ITGB8: variants seen among roughly 807,000 people sequenced by gnomAD.
ITGB8 encodes the protein integrin beta-8.
Under a neutral mutation model 89.5 loss-of-function variants are expected in ITGB8, and 30 were observed. That is an observed-to-expected ratio of 0.34 (90% confidence interval 0.25 to 0.45). The LOEUF is 0.45. Ranked by LOEUF, ITGB8 falls within the 20% of genes least tolerant of loss-of-function variation. The pLI, the probability that ITGB8 is intolerant of heterozygous loss-of-function variation, is 1.00. For missense variants in ITGB8, 836 were observed against 933.3 expected, an observed-to-expected ratio of 0.90 and a Z score of 1.36; for synonymous variants, 335 against 320.4, an observed-to-expected ratio of 1.05 and a Z score of -0.49.
chr7:20,371,854 C>T (rs148300963), intron 3 of ITGB8, among the ~76,000 whole-genome samples: 128 of 152,288 alleles, frequency 8.4e-4, no homozygotes, highest in African/African-American at 3.0e-3. Flanking sequence ...TAGATTGTTA[C>T]ATTATTCACA....
chr7:20,355,242 A>G (rs1478018527), intron 1 of ITGB8, among the ~76,000 whole-genome samples: 1 of 152,130 alleles, frequency 6.6e-6, no homozygotes, highest in Non-Finnish European at 1.5e-5. Context: ...CAGGTGGGAC[A>G]ACTTTGTGTT....
chr7:20,330,004 C>T (rs974462328), upstream of ITGB8, among the ~76,000 whole-genome samples: 3 of 152,158 alleles, frequency 2.0e-5, no homozygotes, highest in East Asian at 5.8e-4. Context: ...CTCCTTAGCT[C>T]CCCTCTCCCC....
intron 9 of ITGB8, 72 bp downstream of exon 9, chr7:20,399,066 A>T: frequency 1.9e-5 from 29 of 1,496,424 alleles, no homozygotes; most frequent in Non-Finnish European, 2.6e-5. Flanking sequence ...AGAAAAAGCA[A>T]ACCATTCTGA....
chr7:20,414,379 C>G lies in ITGB8; in HGVS notation c.*4382C>G, dbSNP rs1012302515. On this transcript the variant is annotated 3_prime_UTR_variant, in exon 14 of 14. Transcript: ENST00000222573. Reference sequence around the variant, plus strand: ...CGTGAGTGCGAATGATTTCAGCAAACCCTAACTTAACTAACAAGAATGGGT... The same window carrying G: ...CGTGAGTGCGAATGATTTCAGCAAAGCCTAACTTAACTAACAAGAATGGGT... The G allele has an allele frequency of 2.6e-5, 4 of 152,288 alleles. No homozygotes were observed. The highest frequency in any genetic ancestry group is 9.7e-5 in the African/African-American group (4 of 41,442). 9.4% of individuals were successfully genotyped at this position (152,288 alleles called of 1,614,324 possible).
At chr7:20,391,547 T>A (rs1418369480) in intron 7 of ITGB8, 49 bp downstream of exon 7, 1 of 946,622 alleles carries the variant, frequency 1.1e-6, no homozygotes, top group East Asian at 2.6e-5. Flanking sequence ...CATTGGTAAT[T>A]GAAATTAAGA....
At chr7:20,354,138 T>C (rs553176370) in intron 1 of ITGB8, among the ~76,000 whole-genome samples, 1 of 152,290 alleles carries the variant, frequency 6.6e-6, no homozygotes, top group Admixed American at 6.5e-5. Context: ...TAACCTCTAC[T>C]TGGAATATTA....
chr7:20,382,750 A>T (rs1399833814), intron 6 of ITGB8, among the ~76,000 whole-genome samples: 2 of 152,194 alleles, frequency 1.3e-5, no homozygotes, highest in Non-Finnish European at 2.9e-5. Context: ...CTCCTTAAAA[A>T]TAATACAAAT....
rs1274044156 is a variant in ITGB8, at chr7:20,410,504, T to C, written c.*507T>C. 2 of 153,534 alleles carry C rather than the reference T, an allele frequency of 1.3e-5. No individual in the cohort carries two copies. Among genetic ancestry groups the C allele is most frequent in the African/African-American group, 2.4e-5 (1 of 41,466 alleles). 9.5% of individuals were successfully genotyped at this position (153,534 alleles called of 1,614,324 possible). On this transcript the variant is annotated 3_prime_UTR_variant, in exon 14 of 14. Transcript: ENST00000222573. ...AACAGCTAGATGAATAAATGATTCG[T>C]GTTTCACTCTTTCAAGAGGTGAACA... is the stretch of plus-strand genomic sequence containing the variant.
At chr7:20,356,779 A>G (rs1266699888) in intron 1 of ITGB8, among the ~76,000 whole-genome samples, 2 of 152,206 alleles carry the variant, frequency 1.3e-5, no homozygotes, top group Non-Finnish European at 2.9e-5. Context: ...ACTTTACTAC[A>G]GAAAAAAACT....
chr7:20,339,506 A>G (rs1392425572), intron 1 of ITGB8, among the ~76,000 whole-genome samples: 1 of 152,198 alleles, frequency 6.6e-6, no homozygotes, highest in Non-Finnish European at 1.5e-5. Flanking sequence ...ACCTTTTAAC[A>G]AAAGTGCTAA....
At chr7:20,381,452 G>A (rs1177706136) in intron 5 of ITGB8, 3 of 239,166 alleles carry the variant, frequency 1.3e-5, no homozygotes, top group East Asian at 1.8e-4. Flanking sequence ...ATGAGCCACC[G>A]TGCCTGGCCT....
At chr7:20,402,437 T>C (rs138814253) in intron 10 of ITGB8, among the ~76,000 whole-genome samples, 142 of 152,298 alleles carry the variant, frequency 9.3e-4, no homozygotes, top group African/African-American at 3.2e-3. Flanking sequence ...ATCTGACACA[T>C]TTTCCAGAAG....
At chr7:20,351,947 G>GAGCCCCTGGAACTCTA (rs1785129023) in intron 1 of ITGB8, among the ~76,000 whole-genome samples, 1 of 152,092 alleles carries the variant, frequency 6.6e-6, no homozygotes, top group Admixed American at 6.6e-5. Flanking sequence ...AAAATAGGAA[G>GAGCCCCTGGAACTCTA]AGCCCCTGGA....
rs992470172 is a variant in ITGB8, at chr7:20,331,532, C to T, written c.-275C>T. On this transcript the variant is annotated 5_prime_UTR_variant, in exon 1 of 14. Coordinates refer to ENST00000222573, the MANE Select transcript of ITGB8 (RefSeq NM_002214.3). ...CTTGCAGAGCCCTCTCTCCAGTCGC[C>T]GCCGGGGCCCTTGGCCGTCGAAGGA... is the stretch of plus-strand genomic sequence containing the variant. 2.3e-6 allele frequency: 1 copy of T among 442,514 alleles called. No homozygotes were observed. Among genetic ancestry groups the T allele is most frequent in the African/African-American group, 2.0e-5 (1 of 48,800 alleles). 27.4% of individuals were successfully genotyped at this position (442,514 alleles called of 1,614,324 possible). A position where few individuals can be genotyped will look rare whatever the true frequency, so the allele number is the denominator to read the frequency against.
intron 3 of ITGB8, among the ~76,000 whole-genome samples, chr7:20,371,249 C>T (rs1785922903): frequency 6.6e-6 from 1 of 152,132 alleles, no homozygotes; most frequent in South Asian, 2.1e-4. Context: ...TAAAATCCTT[C>T]TCAAAAGTAT....
intron 3 of ITGB8, among the ~76,000 whole-genome samples, chr7:20,372,345 C>G (rs1199532385): frequency 2.0e-5 from 3 of 152,044 alleles, no homozygotes; most frequent in Non-Finnish European, 4.4e-5. Context: ...TGTAGACAAG[C>G]AATGATAGTG....
chr7:20,340,909 T>C (rs1784735630), intron 1 of ITGB8, among the ~76,000 whole-genome samples: 1 of 152,180 alleles, frequency 6.6e-6, no homozygotes, highest in African/African-American at 2.4e-5. Context: ...AGGATTTATA[T>C]TAAGGAGTAC....
In ITGB8 at chr7:20,331,641, C is replaced by A; in HGVS notation, c.-166C>A. 2 of 731,578 alleles carry A rather than the reference C, an allele frequency of 2.7e-6. No individual in the cohort carries two copies. Among genetic ancestry groups the A allele is most frequent in the East Asian group, 6.7e-5 (2 of 29,970 alleles). 45.3% of individuals were successfully genotyped at this position (731,578 alleles called of 1,614,324 possible). A position where few individuals can be genotyped will look rare whatever the true frequency, so the allele number is the denominator to read the frequency against. On this transcript the variant is annotated 5_prime_UTR_variant, in exon 1 of 14. Transcript: ENST00000222573. ...CCTGAGATGCCGAGCGGTGCCCGGG[C>A]CCGCTTACCTGCACCGCTTGCTCCG...
chr7:20,409,864 T>C lies in ITGB8; in HGVS notation c.2188-11T>C, dbSNP rs1408255533. On this transcript the variant is annotated splice_polypyrimidine_tract_variant and intron_variant, in intron 13 of 13. Coordinates refer to ENST00000222573, the MANE Select transcript of ITGB8 (RefSeq NM_002214.3). ...GCCCTTAGTTAATAATAATATTTCT[T>C]CTCTATTAAGGATAAGTTGATTCTG... is the stretch of plus-strand genomic sequence containing the variant. 17 of 1,612,524 alleles carry C rather than the reference T, an allele frequency of 1.1e-5. No homozygotes were observed. The highest frequency in any genetic ancestry group is 1.4e-5 in the Non-Finnish European group (17 of 1,179,370).
Sources: allele counts gnomAD v4.1 joint callset (sites outside exome capture counted in the v4.1 genomes callset), GRCh38; gene constraint gnomAD v4.1.1; transcripts MANE v1.5; gene names NCBI Gene and HGNC (gene_info 2026-07-23, HGNC 2026-07-21).